CDH4: variants seen among roughly 807,000 people sequenced by gnomAD.
CDH4 encodes the protein cadherin-4.
Under a neutral mutation model 86.0 loss-of-function variants are expected in CDH4, and 33 were observed. The observed-to-expected ratio is 0.38, with a 90% CI of 0.29 to 0.51. The LOEUF (loss-of-function observed/expected upper bound fraction) is 0.51. CDH4 is among the 20% of genes least tolerant of loss of function. The pLI, the probability that CDH4 is intolerant of heterozygous loss-of-function variation, is 0.86. For missense variants in CDH4, 1,114 were observed against 1,307.4 expected (o/e 0.85, Z 2.28); for synonymous variants, 555 against 549.4 (o/e 1.01, Z -0.14).
At chr20:61,598,731 C>T (rs1183995482) in intron 2 of CDH4, among the ~76,000 whole-genome samples, 1 of 152,218 alleles carries the variant, frequency 6.6e-6, no homozygotes, top group African/African-American at 2.4e-5. Context: ...ACCCTCTTCT[C>T]CACGCGTCCC....
chr20:61,671,040 G>A (rs1259423247), intron 2 of CDH4, among the ~76,000 whole-genome samples: 2 of 152,208 alleles, frequency 1.3e-5, no homozygotes, highest in Non-Finnish European at 2.9e-5. Context: ...ACAGTTAACA[G>A]TCGAGTGTGT....
chr20:61,779,749 C>T (rs1426645973), intron 4 of CDH4, among the ~76,000 whole-genome samples: 1 of 152,246 alleles, frequency 6.6e-6, no homozygotes, highest in Non-Finnish European at 1.5e-5. Context: ...TGGACTGCTT[C>T]AGCAAATGAG....
rs999171902 is a variant in CDH4, at chr20:61,723,896, G to T, written c.170-19667G>T. 2.6e-4 allele frequency among the ~76,000 whole-genome samples: 38 copies of T among 148,718 alleles called. 1 individual carries two copies. Among genetic ancestry groups the T allele is most frequent in the African/African-American group, 9.0e-4 (36 of 40,120 alleles). On this transcript the variant is annotated intron_variant, in intron 2 of 15. Transcript: ENST00000614565. Reference sequence around the variant, plus strand: ...TGCGGCAGGTGGGGTGGGTCCCCATGCAGGGGGCACAGGATGGAGGCTCCA... The same window carrying T: ...TGCGGCAGGTGGGGTGGGTCCCCATTCAGGGGGCACAGGATGGAGGCTCCA...
chr20:61,866,371 C>T (rs1402832682), intron 6 of CDH4, among the ~76,000 whole-genome samples: 4 of 152,248 alleles, frequency 2.6e-5, no homozygotes, highest in South Asian at 2.1e-4. Context: ...TGAGTGGGCA[C>T]ATTTTGAAGG....
intron 11 of CDH4, 58 bp downstream of exon 11, chr20:61,924,534 G>A: frequency 6.4e-7 from 1 of 1,568,942 alleles, no homozygotes; most frequent in Non-Finnish European, 8.6e-7. Flanking sequence ...CCTGGGTTCT[G>A]TGGGCGAGGG....
intron 2 of CDH4, among the ~76,000 whole-genome samples, chr20:61,657,327 C>T (rs901463399): frequency 2.0e-5 from 3 of 152,260 alleles, no homozygotes; most frequent in South Asian, 2.1e-4. Flanking sequence ...GCTCCCCAAA[C>T]GGGTTGCTTC....
intron 2 of CDH4, among the ~76,000 whole-genome samples, chr20:61,448,473 A>T (rs1355296281): frequency 6.6e-6 from 1 of 152,170 alleles, no homozygotes; most frequent in Non-Finnish European, 1.5e-5. Context: ...AGCCTCCTCC[A>T]ATCTCCTTCA....
At chr20:61,641,683 C>A in intron 2 of CDH4, among the ~76,000 whole-genome samples, 1 of 105,964 alleles carries the variant, frequency 9.4e-6, no homozygotes, top group Admixed American at 9.3e-5. Flanking sequence ...GATGGGGCTG[C>A]CTGACCCACC....
At chr20:61,416,732 G>A (rs577021268) in intron 2 of CDH4, among the ~76,000 whole-genome samples, 24 of 152,306 alleles carry the variant, frequency 1.6e-4, no homozygotes, top group Admixed American at 1.3e-4. Flanking sequence ...GCACAGGCCC[G>A]CCCCTTGACG....
intron 2 of CDH4, among the ~76,000 whole-genome samples, chr20:61,647,566 TCTCC>T (rs139838137): frequency 4.7e-5 from 3 of 64,198 alleles, no homozygotes; most frequent in African/African-American, 1.7e-4. Flanking sequence ...TCCCTCTCCC[TCTCC>T]CTCCCTCCCC....
At chr20:61,291,544 T>C (rs966196977) in intron 2 of CDH4, among the ~76,000 whole-genome samples, 1 of 152,106 alleles carries the variant, frequency 6.6e-6, no homozygotes, top group Non-Finnish European at 1.5e-5. Flanking sequence ...TCATGTAGGG[T>C]GAAATAGCTA....
intron 2 of CDH4, among the ~76,000 whole-genome samples, chr20:61,299,714 C>T (rs1384658112): frequency 1.3e-5 from 2 of 152,190 alleles, no homozygotes; most frequent in Non-Finnish European, 2.9e-5. Context: ...AAAGGCCTCC[C>T]TGCAGGCCGG....
intron 2 of CDH4, among the ~76,000 whole-genome samples, chr20:61,589,862 G>A: frequency 6.6e-6 from 1 of 151,890 alleles, no homozygotes. Context: ...TCAGCCCCAG[G>A]GAGCTCCCAG....
intron 2 of CDH4, among the ~76,000 whole-genome samples, chr20:61,423,880 C>T (rs1010912858): frequency 6.6e-6 from 1 of 150,652 alleles, no homozygotes; most frequent in African/African-American, 2.4e-5. Flanking sequence ...TGGCGGCATC[C>T]TCAGCCTCAT....
At chr20:61,481,199 A>G (rs1164936851) in intron 2 of CDH4, among the ~76,000 whole-genome samples, 1 of 152,168 alleles carries the variant, frequency 6.6e-6, no homozygotes, top group East Asian at 1.9e-4. Context: ...GTCTGGAGCC[A>G]TATTATTGCC....
chr20:61,442,323 C>T (rs2085318785), intron 2 of CDH4, among the ~76,000 whole-genome samples: 3 of 152,206 alleles, frequency 2.0e-5, no homozygotes, highest in Admixed American at 2.0e-4. Context: ...GACGTGCAGA[C>T]CCTCCGAATA....
chr20:61,539,575 A>G (rs535480203), intron 2 of CDH4, among the ~76,000 whole-genome samples: 1 of 152,310 alleles, frequency 6.6e-6, no homozygotes, highest in African/African-American at 2.4e-5. Context: ...ACCCCGTTTT[A>G]AAGGCCCAGC....
intron 3 of CDH4, among the ~76,000 whole-genome samples, chr20:61,744,335 A>G (rs1424694028): frequency 6.6e-6 from 1 of 150,574 alleles, no homozygotes; most frequent in Non-Finnish European, 1.5e-5. Context: ...AGAGAGGTGG[A>G]GAGAGACAGG....
chr20:61,637,584 T>C (rs2086960433), intron 2 of CDH4, among the ~76,000 whole-genome samples: 1 of 152,256 alleles, frequency 6.6e-6, no homozygotes, highest in Non-Finnish European at 1.5e-5. Context: ...CCTTCCTTTT[T>C]TTCTCTTTTA....
Sources: gnomAD v4.1 joint callset for allele counts (sites outside exome capture counted in the v4.1 genomes callset) on GRCh38, gnomAD v4.1.1 for gene constraint, MANE v1.5 for transcripts, NCBI Gene and HGNC (gene_info 2026-07-23, HGNC 2026-07-21) for gene names.